IGSF9: variants seen among roughly 807,000 people sequenced by gnomAD.
The protein encoded by IGSF9 is protein turtle homolog A.
In IGSF9, 87 loss-of-function variants were observed where a neutral mutation model predicts 121.7. The ratio of observed to expected loss-of-function variants is 0.71; its 90% CI spans 0.60 to 0.85. The LOEUF (loss-of-function observed/expected upper bound fraction) is 0.85, where lower values mean the gene tolerates loss of function less well. Ranked by LOEUF, IGSF9 falls within the 40% of genes least tolerant of loss-of-function variation. The pLI is 0.00. For synonymous variants in IGSF9, 640 were observed against 648.4 expected, an observed-to-expected ratio of 0.99 and a Z score of 0.20; for missense variants, 1,462 against 1,565.3, an observed-to-expected ratio of 0.93 and a Z score of 1.11.
chr1:159,932,719 C>G lies in IGSF9; in HGVS notation c.1105-67G>C, dbSNP rs986910693. Reference sequence around the variant, plus strand: ...CAGAGACAAGCCCGGGATGGCAGTACAAGAGAGGGGGCAGGATGAGAAACC... The same window carrying G: ...CAGAGACAAGCCCGGGATGGCAGTAGAAGAGAGGGGGCAGGATGAGAAACC... On this transcript the variant is annotated intron_variant, in intron 9 of 20. Coordinates refer to ENST00000368094, the MANE Select transcript of IGSF9 (RefSeq NM_001135050.2). The surrounding 1 kb of genome is among the most constrained non-coding windows in gnomAD (Gnocchi z 4.1). The G allele has an allele frequency of 1.1e-5, 16 of 1,509,006 alleles. No homozygotes were observed. Among genetic ancestry groups the G allele is most frequent in the Non-Finnish European group, 1.4e-5 (16 of 1,112,498 alleles). 93.5% of individuals were successfully genotyped at this position (1,509,006 alleles called of 1,614,324 possible). A position where few individuals can be genotyped will look rare whatever the true frequency, so the allele number is the denominator to read the frequency against.
intron 18 of IGSF9, 73 bp downstream of exon 18, chr1:159,929,278 A>G: frequency 6.5e-7 from 1 of 1,550,140 alleles, no homozygotes; most frequent in South Asian, 1.1e-5. Flanking sequence ...GTAAAGATGC[A>G]AAAAAGGAAG....
Position 159,932,775 on chromosome 1 carries a change from A to G in IGSF9, c.1105-123T>C, listed in dbSNP as rs1312630709. 2 of 938,470 alleles carry G rather than the reference A, an allele frequency of 2.1e-6. No homozygotes were observed. The highest frequency in any genetic ancestry group is 2.7e-5 in the East Asian group (1 of 36,864). 58.1% of individuals were successfully genotyped at this position (938,470 alleles called of 1,614,324 possible). A position where few individuals can be genotyped will look rare whatever the true frequency, so the allele number is the denominator to read the frequency against. On this transcript the variant is annotated intron_variant, in intron 9 of 20. Coordinates refer to ENST00000368094, the MANE Select transcript of IGSF9 (RefSeq NM_001135050.2). This position sits in a 1 kb window ranked among gnomAD's most constrained non-coding sequence, Gnocchi z 4.1. The stretch of plus-strand genomic sequence containing the variant: ...CTGTGCAGAAGACTCCAGCAGCTCC[A>G]TGTCTAGGCCTGACCCCTCTCTGAT...
Position 159,936,852 on chromosome 1 carries a change from G to C in IGSF9, c.457C>G (p.Pro153Ala). Residue 153 changes from proline to alanine, a missense_variant, in exon 5 of 21, where the codon CCT (proline) becomes GCT (alanine). Physicochemically the swap from Pro to Ala is conservative, Grantham distance 27. Transcript: ENST00000368094. ...PAVLEVQELE[P>A]VTLRCVARGS... Reference sequence around the variant, plus strand: ...CGGGCCACACAACGCAGGGTCACAGGCTCCAGTTCCTGCACTTCCAACACA... The same window carrying C: ...CGGGCCACACAACGCAGGGTCACAGCCTCCAGTTCCTGCACTTCCAACACA... 1.2e-6 allele frequency: 2 copies of C among 1,614,242 alleles called. No individual in the cohort carries two copies. The highest frequency in any genetic ancestry group is 1.7e-6 in the Non-Finnish European group (2 of 1,180,024).
At chr1:159,944,813 C>T (rs1272890709) in intron 1 of IGSF9, among the ~76,000 whole-genome samples, 1 of 152,152 alleles carries the variant, frequency 6.6e-6, no homozygotes, top group Non-Finnish European at 1.5e-5. Context: ...CTTAATGATC[C>T]TGTATGTCTA....
intron 3 of IGSF9, among the ~76,000 whole-genome samples, chr1:159,939,081 C>T (rs534033308): frequency 3.9e-5 from 6 of 152,248 alleles, no homozygotes; most frequent in South Asian, 4.1e-4. Flanking sequence ...CTAAACATTT[C>T]CCCTTCTCTG....
chr1:159,944,214 T>A (rs912903500), intron 1 of IGSF9, among the ~76,000 whole-genome samples: 8 of 151,908 alleles, frequency 5.3e-5, no homozygotes, highest in Non-Finnish European at 8.8e-5. Context: ...CCCGATACAA[T>A]CCCTTGTCCC....
Position 159,930,262 on chromosome 1 carries a change from G to A in IGSF9, c.1991C>T (p.Ser664Phe), listed in dbSNP as rs1486950935. The change falls in exon 15 of 21, where the codon TCC (serine) becomes TTC (phenylalanine). Residue 664 changes from serine to phenylalanine, a missense_variant. Transcript: ENST00000368094. ...DGYVLEGRQG[S>F]QGWEVLDPAV... The stretch of plus-strand genomic sequence containing the variant: ...CGGGTCCAGCACCTCCCAGCCCTGG[G>A]AGCCTTGCCGGCCTTCCAAGACGTA... 6.2e-7 allele frequency: 1 copy of A among 1,613,788 alleles called. No individual in the cohort carries two copies. The highest frequency in any genetic ancestry group is 8.5e-7 in the Non-Finnish European group (1 of 1,179,880).
At position 159,928,957 on chromosome 1, in the gene IGSF9, C is replaced by T; in HGVS notation, c.2431G>A (p.Val811Ile). ...VAKLKLQGSP[V>I]PSLRQSLLWG... ...AGCAGACTCTGGCGCAGGCTGGGGA[C>T]TGGGGATCCCTGGAGCTTCAGCTTC... Residue 811 changes from valine (V) to isoleucine (I), a missense_variant, in exon 19 of 21, where the codon GTC (valine) becomes ATC (isoleucine). By Grantham distance (29) the Val-to-Ile change is conservative (BLOSUM62 3). Transcript: ENST00000368094. 1 of 1,526,394 alleles carries T rather than the reference C, an allele frequency of 6.6e-7. No homozygotes were observed. Among genetic ancestry groups the T allele is most frequent in the Non-Finnish European group, 8.8e-7 (1 of 1,139,700 alleles). 94.6% of individuals were successfully genotyped at this position (1,526,394 alleles called of 1,614,324 possible). A position where few individuals can be genotyped will look rare whatever the true frequency, so the allele number is the denominator to read the frequency against.
At position 159,943,596 on chromosome 1, in the gene IGSF9, C is replaced by T. The variant is rs1295161245; in HGVS notation, c.-142G>A. 1.5e-5 allele frequency: 10 copies of T among 673,880 alleles called. No individual in the cohort carries two copies. The highest frequency in any genetic ancestry group is 2.3e-5 in the Non-Finnish European group (10 of 436,724). The allele number at this position is 673,880 out of a possible 1,614,324, so 41.7% of individuals were successfully genotyped here. ...AGTGAGGGCTTGGCTCATGTAACAC[C>T]CGAGGAAGCTGCTCTCCGGAGAACC... is the stretch of plus-strand genomic sequence containing the variant. On this transcript the variant is annotated 5_prime_UTR_variant, in exon 2 of 21. Transcript: ENST00000368094.
intron 15 of IGSF9, 47 bp from the exon 16 acceptor site, chr1:159,930,022 G>A (rs1650932106): frequency 1.3e-6 from 2 of 1,579,818 alleles, no homozygotes. Context: ...GCCCAGCACC[G>A]CCCAACCCAG....
rs1346216311 is a variant in IGSF9, at chr1:159,943,006, G to A, written c.204C>T (p.Ile68=). ...LRFGFLLPIF[I]QFGLYSPRID... ...TTCGGGGAGAGTAGAGGCCGAACTG[G>A]ATGAAGATGGGAAGCAGGAATCCAA... The change falls in exon 3 of 21, where the codon ATC becomes ATT. Residue 68 remains isoleucine, a synonymous_variant. Transcript: ENST00000368094. 2 of 1,613,654 alleles carry A rather than the reference G, an allele frequency of 1.2e-6. No homozygotes were observed. The highest frequency in any genetic ancestry group is 8.5e-7 in the Non-Finnish European group (1 of 1,179,794).
Position 159,928,183 on chromosome 1 carries a change from C to G in IGSF9, c.3205G>C (p.Glu1069Gln), listed in dbSNP as rs1452152740. The G allele has an allele frequency of 3.1e-6, 5 of 1,610,056 alleles. No individual in the cohort carries two copies. The highest frequency in any genetic ancestry group is 3.3e-5 in the Admixed American group (2 of 60,002). Residue 1069 changes from glutamate (E) to glutamine (Q), a missense_variant, in exon 19 of 21, where the codon GAG (glutamate) becomes CAG (glutamine). By Grantham distance (29) the Glu-to-Gln change is conservative. Transcript: ENST00000368094. The stretch of plus-strand genomic sequence containing the variant: ...CTCTTGCTGACTGTCACCACATGCT[C>G]CCTTCGGGGCCATCTCTCAGGGCCA... Reference protein sequence around the residue: ...ASGPERWPRREHVVTVSKRRN... With the variant: ...ASGPERWPRRQHVVTVSKRRN...
chr1:159,943,286 C>T lies in IGSF9; in HGVS notation c.58+111G>A, dbSNP rs1443851629. 6.0e-6 allele frequency: 8 copies of T among 1,339,874 alleles called. No homozygotes were observed. The South Asian group carries it at 7.6e-5, about 13-fold the overall frequency. The allele number at this position is 1,339,874 out of a possible 1,614,324, so 83.0% of individuals were successfully genotyped here. ...ACCCCCAGTTCAGCTTCTCCAGAAC[C>T]AGCCCTATTCCTCCCCTGCCCTCAC... is the stretch of plus-strand genomic sequence containing the variant. On this transcript the variant is annotated intron_variant, in intron 2 of 20. Coordinates refer to ENST00000368094, the MANE Select transcript of IGSF9 (RefSeq NM_001135050.2).
At position 159,943,509 on chromosome 1, in the gene IGSF9, G is replaced by T. The variant is rs1226126430; in HGVS notation, c.-55C>A. The T allele has an allele frequency of 2.0e-6, 3 of 1,467,594 alleles. No homozygotes were observed. Among genetic ancestry groups the T allele is most frequent in the Non-Finnish European group, 2.7e-6 (3 of 1,101,126 alleles). The allele number at this position is 1,467,594 out of a possible 1,614,324, so 90.9% of individuals were successfully genotyped here. ...CCTATCCACAGGAGCCCAGATGGAG[G>T]GGCCAAGGGATGTCCTTCTGATCAG... is the stretch of plus-strand genomic sequence containing the variant. On this transcript the variant is annotated 5_prime_UTR_variant, in exon 2 of 21. Coordinates refer to ENST00000368094, the MANE Select transcript of IGSF9 (RefSeq NM_001135050.2).
intron 20 of IGSF9, 51 bp downstream of exon 20, chr1:159,927,709 G>A (rs750271633): frequency 6.9e-6 from 11 of 1,597,032 alleles, no homozygotes; most frequent in South Asian, 6.8e-5. Flanking sequence ...GTGGCGGGGG[G>A]ATGTGGGACA....
chr1:159,938,681 T>C (rs1226349727), intron 3 of IGSF9, among the ~76,000 whole-genome samples: 3 of 152,196 alleles, frequency 2.0e-5, no homozygotes, highest in African/African-American at 7.2e-5. Context: ...CAGATAGACC[T>C]AGGCATGAGT....
At chr1:159,941,830 C>T (rs1039417373) in intron 3 of IGSF9, among the ~76,000 whole-genome samples, 21 of 152,214 alleles carry the variant, frequency 1.4e-4, no homozygotes, top group Non-Finnish European at 7.3e-5. Flanking sequence ...AATTGGGGCC[C>T]GCTTTCATCC....
In IGSF9 at chr1:159,934,701, G is replaced by A; in HGVS notation, c.795C>T (p.Asn265=). 1 of 1,614,244 alleles carries A rather than the reference G, an allele frequency of 6.2e-7. No homozygotes were observed. The highest frequency in any genetic ancestry group is 8.5e-7 in the Non-Finnish European group (1 of 1,180,032). The change falls in exon 7 of 21, where the codon AAC becomes AAT. Residue 265 remains asparagine (N), a synonymous_variant. Transcript: ENST00000368094. ...ANLTYSWFQD[N]INVFHISRLQ... Reference sequence around the variant, plus strand: ...CCCACCTAATGTGGAAGACATTGATGTTGTCCTGGAACCAGCTGTAGGTGA... The same window carrying A: ...CCCACCTAATGTGGAAGACATTGATATTGTCCTGGAACCAGCTGTAGGTGA...
Position 159,931,700 on chromosome 1 carries a change from G to A in IGSF9, c.1363-97C>T. ...GGCAGCTCCAGTTCCTCCCCACCCT[G>A]CCTCTGACAGCCTTCTCCTTCCCAC... On this transcript the variant is annotated intron_variant, in intron 11 of 20. Transcript: ENST00000368094. This position sits in a 1 kb window ranked among gnomAD's most constrained non-coding sequence, Gnocchi z 4.8. 1 of 1,506,764 alleles carries A rather than the reference G, an allele frequency of 6.6e-7. No individual in the cohort carries two copies. Among genetic ancestry groups the A allele is most frequent in the South Asian group, 1.2e-5 (1 of 82,560 alleles). The allele number at this position is 1,506,764 out of a possible 1,614,324, so 93.3% of individuals were successfully genotyped here. A position where few individuals can be genotyped will look rare whatever the true frequency, so the allele number is the denominator to read the frequency against.
Sources: gnomAD v4.1 joint callset for allele counts (sites outside exome capture counted in the v4.1 genomes callset) on GRCh38, gnomAD v4.1.1 for gene constraint, Gnocchi (gnomAD v3.1) non-coding constraint, MANE v1.5 for transcripts, NCBI Gene and HGNC (gene_info 2026-07-23, HGNC 2026-07-21) for gene names.